TEX26: variants seen among roughly 807,000 people sequenced by gnomAD.
TEX26 encodes the protein testis-expressed protein 26.
Under a neutral mutation model 35.3 loss-of-function variants are expected in TEX26, and 34 were observed. The observed-to-expected ratio is 0.96, with a 90% CI of 0.73 to 1.28. TEX26 has a LOEUF of 1.28. Ranked by LOEUF, TEX26 falls within the 50% of genes most tolerant of loss-of-function variation. The probability of loss-of-function intolerance (pLI) is 0.00; values close to 1 mark genes in which losing one functional copy is unlikely to be tolerated. For missense variants in TEX26, 371 were observed against 330.1 expected, an observed-to-expected ratio of 1.12 and a Z score of -0.96; for synonymous variants, 136 against 111.8, an observed-to-expected ratio of 1.22 and a Z score of -1.36.
At chr13:30,953,908 G>A (rs35419167) in intron 3 of TEX26, among the ~76,000 whole-genome samples, 6,253 of 152,288 alleles carry the variant, frequency 0.041, 174 homozygotes, top group Non-Finnish European at 0.063. Context: ...GTGGTAGAAT[G>A]AACAGGATTT....
intron 4 of TEX26, among the ~76,000 whole-genome samples, chr13:30,963,821 T>C (rs1300518216): frequency 1.8e-4 from 28 of 152,032 alleles, no homozygotes; most frequent in Admixed American, 1.8e-3. Context: ...ACATTCCCTG[T>C]TCATTCTATA....
At chr13:30,953,556 C>T (rs1397725423) in intron 3 of TEX26, among the ~76,000 whole-genome samples, 2 of 152,220 alleles carry the variant, frequency 1.3e-5, no homozygotes, top group African/African-American at 4.8e-5. Flanking sequence ...CAGCTATGAA[C>T]AGCCATGTAC....
chr13:30,957,101 G>A (rs1954168697), intron 4 of TEX26, 72 bp downstream of exon 4: 2 of 1,476,768 alleles, frequency 1.4e-6, no homozygotes. Context: ...TCGGCAGCAT[G>A]CGTGTGTTCT....
intron 2 of TEX26, among the ~76,000 whole-genome samples, chr13:30,946,361 T>C (rs1004163285): frequency 6.6e-6 from 1 of 151,888 alleles, no homozygotes; most frequent in Non-Finnish European, 1.5e-5. Flanking sequence ...TGTTTCTTAA[T>C]TTCTTTATGT....
Position 30,974,829 on chromosome 13 carries a change from T to A in TEX26, c.809-17T>A, listed in dbSNP as rs1954829670. ...TTACGTGAAAATTTTCATCCTGTTT[T>A]TCTTCATACTTTTCAGATAGACAAA... On this transcript the variant is annotated splice_polypyrimidine_tract_variant and intron_variant, in intron 6 of 6. Coordinates refer to ENST00000380473, the MANE Select transcript of TEX26 (RefSeq NM_152325.3). 8 of 1,549,680 alleles carry A rather than the reference T, an allele frequency of 5.2e-6. No homozygotes were observed. Among genetic ancestry groups the A allele is most frequent in the Non-Finnish European group, 6.9e-6 (8 of 1,153,732 alleles).
At chr13:30,958,896 G>GT (rs764483474) in intron 4 of TEX26, among the ~76,000 whole-genome samples, 3 of 152,148 alleles carry the variant, frequency 2.0e-5, no homozygotes, top group African/African-American at 4.8e-5. Flanking sequence ...AACAGCCAAT[G>GT]TTTACTAAGC....
intron 2 of TEX26, among the ~76,000 whole-genome samples, chr13:30,949,714 T>C (rs1468921281): frequency 6.6e-6 from 1 of 151,828 alleles, no homozygotes; most frequent in Non-Finnish European, 1.5e-5. Context: ...AAGTGAAGAG[T>C]ATAATAAAAA....
chr13:30,958,213 G>A (rs904127573), intron 4 of TEX26, among the ~76,000 whole-genome samples: 1 of 151,996 alleles, frequency 6.6e-6, no homozygotes, highest in Non-Finnish European at 1.5e-5. Flanking sequence ...TGTCTCAGGG[G>A]GTCAAAAATG....
chr13:30,972,335 C>T (rs1358697371), intron 6 of TEX26, among the ~76,000 whole-genome samples: 1 of 152,012 alleles, frequency 6.6e-6, no homozygotes, highest in Non-Finnish European at 1.5e-5. Flanking sequence ...CAACTGGTAG[C>T]CTTTTTGAAC....
chr13:30,936,879 T>C (rs906103001), intron 1 of TEX26: 1 of 985,480 alleles, frequency 1.0e-6, no homozygotes, highest in Non-Finnish European at 1.2e-6. Context: ...ATTTTCAGAA[T>C]ATTGTGATTA....
rs1221177381 is a variant in TEX26, at chr13:30,939,667, T to C, written c.62-27T>C. On this transcript the variant is annotated intron_variant, in intron 1 of 6. Transcript: ENST00000380473. ...CTTCAAAATATTCTGGTTTGCCATATTTAAAACTGCTTTATTGTACTTTTA... is the reference window on the plus strand; with the variant it reads ...CTTCAAAATATTCTGGTTTGCCATACTTAAAACTGCTTTATTGTACTTTTA... The C allele has an allele frequency of 1.3e-5, 21 of 1,589,386 alleles. No individual in the cohort carries two copies. The Middle Eastern group carries it at 1.2e-3, about 88-fold the overall frequency.
At position 30,966,364 on chromosome 13, in the gene TEX26, C is replaced by A; in HGVS notation, c.612C>A (p.Cys204Ter). Residue 204 changes from cysteine to a stop codon, truncating the protein, a stop_gained, in exon 5 of 7, where the codon TGC becomes TGA. Coordinates refer to ENST00000380473, the MANE Select transcript of TEX26 (RefSeq NM_152325.3). LOFTEE classifies it high-confidence loss of function. ...AAGATTTCAGTTTCAAATATGGATG[C>A]TACTCAAGCTTGCCTGTTGCTTCTC... Reference protein sequence around the residue: ...ELQDFSFKYGCYSSLPVASQG... With the variant: ...ELQDFSFKYG 1 of 1,613,586 alleles carries A rather than the reference C, an allele frequency of 6.2e-7. No homozygotes were observed.
At chr13:30,974,131 A>AAAAAATATATATATATATATATAT in intron 6 of TEX26, among the ~76,000 whole-genome samples, 8 of 84,430 alleles carry the variant, frequency 9.5e-5, no homozygotes, top group Admixed American at 1.6e-4. Context: ...AAAAAAAAAA[A>AAAAAATATATATATATATATATAT]ATATATATAT....
chr13:30,942,412 T>C (rs552290057), intron 2 of TEX26, among the ~76,000 whole-genome samples: 2 of 152,302 alleles, frequency 1.3e-5, no homozygotes, highest in East Asian at 3.9e-4. Flanking sequence ...AGATTTGGGA[T>C]GTTAGTCCTT....
intron 2 of TEX26, among the ~76,000 whole-genome samples, chr13:30,948,600 T>C (rs1953805605): frequency 6.6e-6 from 1 of 152,328 alleles, no homozygotes; most frequent in South Asian, 2.1e-4. Flanking sequence ...TGTTTTTTTC[T>C]TGTAAATTTG....
intron 6 of TEX26, among the ~76,000 whole-genome samples, chr13:30,974,131 A>ATATATATATATATAT (rs1555271792): frequency 1.0e-3 from 85 of 84,400 alleles, no homozygotes; most frequent in African/African-American, 3.9e-3. Flanking sequence ...AAAAAAAAAA[A>ATATATATATATATAT]ATATATATAT....
rs773385855 is a variant in TEX26, at chr13:30,952,716, A to T, written c.203A>T (p.Asn68Ile). 2 of 1,612,262 alleles carry T rather than the reference A, an allele frequency of 1.2e-6. No individual in the cohort carries two copies. The highest frequency in any genetic ancestry group is 4.5e-5 in the East Asian group (2 of 44,714). Reference sequence around the variant, plus strand: ...TATTCACTTAGTGATCCTATTCTCAATCAGACACAATATAGTGATGAGTAC... The same window carrying T: ...TATTCACTTAGTGATCCTATTCTCATTCAGACACAATATAGTGATGAGTAC... ...YTYSLSDPILNQTQYSDEYTW... is the reference protein window; with the variant it reads ...YTYSLSDPILIQTQYSDEYTW... The change falls in exon 3 of 7, where the codon AAT becomes ATT. Residue 68 changes from asparagine to isoleucine, a missense_variant. Transcript: ENST00000380473.
At chr13:30,960,167 T>A (rs1954282287) in intron 4 of TEX26, among the ~76,000 whole-genome samples, 1 of 152,220 alleles carries the variant, frequency 6.6e-6, no homozygotes, top group African/African-American at 2.4e-5. Context: ...CCTTAAATTA[T>A]CTTACCTTTT....
rs749864889 is a variant in TEX26 at position 30,952,825 on chromosome 13, AG to A, written c.312+1del. 3 of 1,611,904 alleles carry A rather than the reference AG, an allele frequency of 1.9e-6. No individual in the cohort carries two copies. In the South Asian group the frequency reaches 3.3e-5, roughly 18 times the overall value. On this transcript the variant is annotated splice_donor_variant, in intron 3 of 6. Transcript: ENST00000380473. LOFTEE classifies it high-confidence loss of function. ...AGAGCCACAAATCTCATCTCAATGAAGTAAGATAATATCTACATATGTGTTG... is the reference window on the plus strand; with the variant it reads ...AGAGCCACAAATCTCATCTCAATGAATAAGATAATATCTACATATGTGTTG...
Sources: gnomAD v4.1 joint callset for allele counts (sites outside exome capture counted in the v4.1 genomes callset) on GRCh38, gnomAD v4.1.1 for gene constraint, MANE v1.5 for transcripts, NCBI Gene and HGNC (gene_info 2026-07-23, HGNC 2026-07-21) for gene names.